CCSER1: variants seen among roughly 807,000 people sequenced by gnomAD.
CCSER1 encodes coiled-coil serine rich protein 1.
A neutral mutation model predicts 82.0 loss-of-function variants in CCSER1; 41 were observed. The ratio of observed to expected loss-of-function variants is 0.50; its 90% CI spans 0.39 to 0.65. The LOEUF (loss-of-function observed/expected upper bound fraction) is 0.65, where lower values mean the gene tolerates loss of function less well. Ranked by LOEUF, CCSER1 falls within the 30% of genes least tolerant of loss-of-function variation. The pLI is 0.00. For synonymous variants in CCSER1, 414 were observed against 383.9 expected (o/e 1.08, Z -0.92); for missense variants, 1,119 against 1,064.2 (o/e 1.05, Z -0.72).
intron 8 of CCSER1, among the ~76,000 whole-genome samples, chr4:90,915,839 C>T (rs1727290197): frequency 6.6e-6 from 1 of 151,888 alleles, no homozygotes; most frequent in Non-Finnish European, 1.5e-5. Context: ...AATCAATGTG[C>T]AAAAATCACA....
At chr4:90,223,403 T>C (rs1278578340) in intron 1 of CCSER1, among the ~76,000 whole-genome samples, 2 of 152,200 alleles carry the variant, frequency 1.3e-5, no homozygotes, top group Non-Finnish European at 2.9e-5. Flanking sequence ...ATTATTTATA[T>C]TGATGGAGGG....
At chr4:91,206,849 T>C (rs1736390691) in intron 10 of CCSER1, among the ~76,000 whole-genome samples, 1 of 151,896 alleles carries the variant, frequency 6.6e-6, no homozygotes, top group South Asian at 2.1e-4. Flanking sequence ...TTATTTTTGA[T>C]TTGGTATATG....
At chr4:90,248,392 C>G (rs1351272442) in intron 1 of CCSER1, among the ~76,000 whole-genome samples, 1 of 152,162 alleles carries the variant, frequency 6.6e-6, no homozygotes, top group Non-Finnish European at 1.5e-5. Context: ...GACTGTATTC[C>G]TTGCTTCTGG....
chr4:91,371,348 C>A (rs924460340), intron 10 of CCSER1, among the ~76,000 whole-genome samples: 3 of 149,738 alleles, frequency 2.0e-5, no homozygotes, highest in Non-Finnish European at 4.4e-5. Context: ...AACCATCTTT[C>A]TACTCTGTCC....
chr4:91,341,655 C>T (rs1419024355), intron 10 of CCSER1, among the ~76,000 whole-genome samples: 8 of 152,154 alleles, frequency 5.3e-5, no homozygotes, highest in Non-Finnish European at 1.2e-4. Context: ...TATTCTCCCA[C>T]CTTAGCCTCC....
chr4:90,136,134 G>T (rs1723654815), intron 1 of CCSER1, among the ~76,000 whole-genome samples: 1 of 152,150 alleles, frequency 6.6e-6, no homozygotes, highest in Non-Finnish European at 1.5e-5. Flanking sequence ...CACACAGTAA[G>T]TTTTCTTCTC....
At chr4:90,425,279 A>T (rs1757369106) in intron 4 of CCSER1, among the ~76,000 whole-genome samples, 1 of 152,164 alleles carries the variant, frequency 6.6e-6, no homozygotes, top group African/African-American at 2.4e-5. Flanking sequence ...TGGTGCAGGT[A>T]AGAGCACAGC....
At chr4:91,586,871 G>C (rs550131490) in intron 10 of CCSER1, among the ~76,000 whole-genome samples, 1 of 151,528 alleles carries the variant, frequency 6.6e-6, no homozygotes, top group Non-Finnish European at 1.5e-5. Context: ...GTAAGTTCTT[G>C]GGGGTAATAT....
At chr4:90,821,033 C>T (rs1759660541) in intron 8 of CCSER1, among the ~76,000 whole-genome samples, 1 of 152,090 alleles carries the variant, frequency 6.6e-6, no homozygotes, top group African/African-American at 2.4e-5. Context: ...ATTCCGTGAT[C>T]AGTGTGTGTT....
chr4:90,291,109 G>A (rs1730855250), intron 1 of CCSER1, among the ~76,000 whole-genome samples: 1 of 137,116 alleles, frequency 7.3e-6, no homozygotes, highest in Non-Finnish European at 1.5e-5. Flanking sequence ...GATATCAGGT[G>A]CTTACAGAGC....
intron 10 of CCSER1, among the ~76,000 whole-genome samples, chr4:91,496,766 C>G (rs1409902258): frequency 0.011 from 540 of 48,670 alleles, 113 homozygotes; most frequent in African/African-American, 0.04. Context: ...TATATATATT[C>G]AATATATATT....
At chr4:90,180,304 G>A (rs1413713195) in intron 1 of CCSER1, among the ~76,000 whole-genome samples, 1 of 151,892 alleles carries the variant, frequency 6.6e-6, no homozygotes, top group Non-Finnish European at 1.5e-5. Flanking sequence ...AGAGATAATT[G>A]ATGGCCAGAT....
At chr4:90,539,584 T>C (rs1159159084) in intron 5 of CCSER1, among the ~76,000 whole-genome samples, 1 of 152,098 alleles carries the variant, frequency 6.6e-6, no homozygotes, top group Non-Finnish European at 1.5e-5. Flanking sequence ...TGGGTAGGGA[T>C]CTTACCACTT....
chr4:91,418,952 A>G lies in CCSER1; in HGVS notation c.2218-179620A>G, dbSNP rs192899217. Reference sequence around the variant, plus strand: ...AGTATGGTTCAACATACACAAATCAATAAGTGTAATATATCACATTTACAA... The same window carrying G: ...AGTATGGTTCAACATACACAAATCAGTAAGTGTAATATATCACATTTACAA... On this transcript the variant is annotated intron_variant, in intron 10 of 10. Coordinates refer to ENST00000509176, the MANE Select transcript of CCSER1 (RefSeq NM_001145065.2). Among the ~76,000 whole-genome samples the G allele has an allele frequency of 1.4e-4, 21 of 152,212 alleles. No individual in the cohort carries two copies. The East Asian group carries it at 4.0e-3, about 29-fold the overall frequency.
intron 10 of CCSER1, among the ~76,000 whole-genome samples, chr4:91,408,299 T>A (rs1207218613): frequency 6.6e-6 from 1 of 152,174 alleles, no homozygotes; most frequent in African/African-American, 2.4e-5. Context: ...AATAGTAAAA[T>A]GAAATTAAGA....
At chr4:90,486,713 T>C (rs758569600) in intron 5 of CCSER1, among the ~76,000 whole-genome samples, 3 of 152,180 alleles carry the variant, frequency 2.0e-5, no homozygotes, top group African/African-American at 4.8e-5. Flanking sequence ...GATACATAGA[T>C]AAAAACTGCT....
At chr4:91,208,464 C>G (rs1446540307) in intron 10 of CCSER1, among the ~76,000 whole-genome samples, 1 of 151,844 alleles carries the variant, frequency 6.6e-6, no homozygotes, top group African/African-American at 2.4e-5. Flanking sequence ...GTTTTCTGAG[C>G]ACCACTTATC....
chr4:91,560,129 A>T (rs79961068), intron 10 of CCSER1, among the ~76,000 whole-genome samples: 1 of 151,334 alleles, frequency 6.6e-6, no homozygotes, highest in Non-Finnish European at 1.5e-5. Flanking sequence ...ATGTTGCTTT[A>T]TTGAAAAAAA....
intron 10 of CCSER1, among the ~76,000 whole-genome samples, chr4:91,263,378 A>G (rs934954041): frequency 2.0e-5 from 3 of 152,070 alleles, no homozygotes; most frequent in African/African-American, 7.2e-5. Context: ...GCCAAATTTT[A>G]ACATTCAAGT....
Sources: allele counts gnomAD v4.1 joint callset (sites outside exome capture counted in the v4.1 genomes callset), GRCh38; gene constraint gnomAD v4.1.1; transcripts MANE v1.5; gene names NCBI Gene and HGNC (gene_info 2026-07-23, HGNC 2026-07-21).